MBOAT1: variants seen among roughly 807,000 people sequenced by gnomAD.
MBOAT1 encodes the protein membrane-bound glycerophospholipid O-acyltransferase 1.
Under a neutral mutation model 64.4 loss-of-function variants are expected in MBOAT1, and 67 were observed. The ratio of observed to expected loss-of-function variants is 1.04; its 90% CI spans 0.85 to 1.27. The LOEUF (loss-of-function observed/expected upper bound fraction) is 1.27, where lower values mean the gene tolerates loss of function less well. Ranked by LOEUF, MBOAT1 falls within the 50% of genes most tolerant of loss-of-function variation. The pLI, the probability that MBOAT1 is intolerant of heterozygous loss-of-function variation, is 0.00. For synonymous variants in MBOAT1, 229 were observed against 218.9 expected, an observed-to-expected ratio of 1.05 and a Z score of -0.41; for missense variants, 563 against 604.6, an observed-to-expected ratio of 0.93 and a Z score of 0.72.
intron 4 of MBOAT1, 77 bp downstream of exon 4, chr6:20,144,142 AC>A: frequency 3.4e-6 from 3 of 880,204 alleles, no homozygotes; most frequent in Non-Finnish European, 5.5e-6. Context: ...TCTTTTGTGC[AC>A]CCTTGATGTT....
chr6:20,110,311 C>G (rs1760101270), intron 11 of MBOAT1, among the ~76,000 whole-genome samples: 1 of 151,382 alleles, frequency 6.6e-6, no homozygotes, highest in Non-Finnish European at 1.5e-5. Context: ...CTCCTGGGCT[C>G]AAGTGATCTT....
chr6:20,118,757 A>G (rs1393622301), intron 8 of MBOAT1, among the ~76,000 whole-genome samples: 2 of 152,226 alleles, frequency 1.3e-5, no homozygotes, highest in Non-Finnish European at 2.9e-5. Context: ...ATTCCCTTGC[A>G]TTTAGGGAAC....
At chr6:20,199,954 T>C (rs1763073274) in intron 1 of MBOAT1, among the ~76,000 whole-genome samples, 1 of 149,292 alleles carries the variant, frequency 6.7e-6, no homozygotes, top group Admixed American at 6.7e-5. Context: ...GGCAACAGGG[T>C]AAGACTCTGT....
chr6:20,105,990 A>G (rs890721360), intron 12 of MBOAT1, among the ~76,000 whole-genome samples: 6 of 152,222 alleles, frequency 3.9e-5, no homozygotes, highest in African/African-American at 1.4e-4. Context: ...ATCTGAAGCC[A>G]CTCTAGACTG....
intron 4 of MBOAT1, among the ~76,000 whole-genome samples, chr6:20,133,770 G>A (rs1760901148): frequency 6.6e-6 from 1 of 152,168 alleles, no homozygotes; most frequent in South Asian, 2.1e-4. Context: ...TGTATTCCAT[G>A]ATTCGGTGGC....
At chr6:20,168,502 A>G (rs1000949463) in intron 1 of MBOAT1, among the ~76,000 whole-genome samples, 5 of 92,838 alleles carry the variant, frequency 5.4e-5, no homozygotes, top group African/African-American at 2.2e-4. Context: ...AGAGAGAGAG[A>G]GAGAGGAGAG....
intron 1 of MBOAT1, among the ~76,000 whole-genome samples, chr6:20,171,382 TAAAA>T (rs34821586): frequency 8.8e-6 from 1 of 113,314 alleles, no homozygotes; most frequent in African/African-American, 3.4e-5. Context: ...ACAAAAAACT[TAAAA>T]AAAAAAAAAA....
rs56762952 is a variant in MBOAT1, at chr6:20,131,489, C to T, written c.420-290G>A. ...TGTGAAGAAAGCCATGTTTGCTTCT[C>T]CTTCCGCCATGATTGTAAGTTTCCT... On this transcript the variant is annotated intron_variant, in intron 4 of 12. Coordinates refer to ENST00000324607, the MANE Select transcript of MBOAT1 (RefSeq NM_001080480.3). 5.2e-3 allele frequency among the ~76,000 whole-genome samples: 788 copies of T among 152,298 alleles called. 7 individuals are homozygous for T. Among genetic ancestry groups the T allele is most frequent in the African/African-American group, 0.018 (754 of 41,578 alleles).
At position 20,109,684 on chromosome 6, in the gene MBOAT1, G is replaced by A. The variant is rs910973667; in HGVS notation, c.1275C>T (p.Gly425=). The change falls in exon 12 of 13, where the codon GGC becomes GGT. Residue 425 remains glycine (G), a synonymous_variant. Coordinates refer to ENST00000324607, the MANE Select transcript of MBOAT1 (RefSeq NM_001080480.3). ...SRALKAVYDA[G]TWAVTQLAVS... ...CAGCCAGCTGAGTGACGGCCCAGGT[G>A]CCTGCATCATACACAGCCTTGAGAG... The A allele has an allele frequency of 6.2e-7, 1 of 1,614,152 alleles. No homozygotes were observed. Among genetic ancestry groups the A allele is most frequent in the South Asian group, 1.1e-5 (1 of 91,078 alleles).
rs10527757 is a variant in MBOAT1 at position 20,208,445 on chromosome 6, C to CAAA, written c.99+3688_99+3690dup. Among the ~76,000 whole-genome samples the CAAA allele has an allele frequency of 6.1e-4, 46 of 74,846 alleles. 5 individuals are homozygous for CAAA. Among genetic ancestry groups the CAAA allele is most frequent in the African/African-American group, 3.3e-4 (8 of 24,006 alleles). 49.1% of individuals were successfully genotyped at this position (74,846 alleles called of 152,430 possible). A position where few individuals can be genotyped will look rare whatever the true frequency, so the allele number is the denominator to read the frequency against. On this transcript the variant is annotated intron_variant, in intron 1 of 12. Coordinates refer to ENST00000324607, the MANE Select transcript of MBOAT1 (RefSeq NM_001080480.3). ...TGGGTGACAGAGCTAGACTCTGTCTCAAAAAAAAAAAGAAACTTTGTAGTC... is the reference window on the plus strand; with the variant it reads ...TGGGTGACAGAGCTAGACTCTGTCTCAAAAAAAAAAAAAAGAAACTTTGTAGTC...
intron 1 of MBOAT1, among the ~76,000 whole-genome samples, chr6:20,187,484 G>C (rs1762686234): frequency 6.6e-6 from 1 of 152,260 alleles, no homozygotes; most frequent in Admixed American, 6.5e-5. Context: ...TGTGGTTTCA[G>C]AGAGTTCACC....
chr6:20,173,822 G>A (rs1024023174), intron 1 of MBOAT1, among the ~76,000 whole-genome samples: 2 of 152,254 alleles, frequency 1.3e-5, no homozygotes, highest in Middle Eastern at 3.4e-3. Flanking sequence ...ATGGTGGCAG[G>A]TGCCTGCAAT....
At chr6:20,137,013 C>T (rs1471740724) in intron 4 of MBOAT1, among the ~76,000 whole-genome samples, 1 of 152,106 alleles carries the variant, frequency 6.6e-6, no homozygotes, top group Admixed American at 6.6e-5. Flanking sequence ...CTCTTTTAGA[C>T]CATTTAGGAT....
At chr6:20,186,192 G>A (rs1489843689) in intron 1 of MBOAT1, among the ~76,000 whole-genome samples, 4 of 152,154 alleles carry the variant, frequency 2.6e-5, no homozygotes, top group Non-Finnish European at 2.9e-5. Flanking sequence ...CAATCAATCA[G>A]TCAGTCAATG....
At chr6:20,201,583 AT>A (rs56306528) in intron 1 of MBOAT1, among the ~76,000 whole-genome samples, 1,474 of 142,992 alleles carry the variant, frequency 0.01, 22 homozygotes, top group African/African-American at 0.03. Context: ...CAGATAAGTG[AT>A]TTTTTTTTTT....
At chr6:20,189,385 ACTTT>A (rs1382784517) in intron 1 of MBOAT1, among the ~76,000 whole-genome samples, 1 of 152,156 alleles carries the variant, frequency 6.6e-6, no homozygotes, top group Non-Finnish European at 1.5e-5. Context: ...CTTAAAATCT[ACTTT>A]CTAAGTAATT....
chr6:20,152,890 TG>T (rs1761565933), intron 1 of MBOAT1, 121 bp from the exon 2 acceptor site: 16 of 1,079,896 alleles, frequency 1.5e-5, no homozygotes, highest in Non-Finnish European at 1.9e-5. Context: ...TGGAGTGCAG[TG>T]GCGCAAACTC....
At chr6:20,158,451 G>C (rs1321552148) in intron 1 of MBOAT1, among the ~76,000 whole-genome samples, 1 of 152,174 alleles carries the variant, frequency 6.6e-6, no homozygotes, top group Non-Finnish European at 1.5e-5. Flanking sequence ...TGAAATGTAA[G>C]ACCTGAAACT....
rs900030021 is a variant in MBOAT1, at chr6:20,164,162, T to C, written c.100-11393A>G. ...ACAAATATATGTATTTAATATAGAATGTATGTGCATGTACACACACACACA... is the reference window on the plus strand; with the variant it reads ...ACAAATATATGTATTTAATATAGAACGTATGTGCATGTACACACACACACA... On this transcript the variant is annotated intron_variant, in intron 1 of 12. Coordinates refer to ENST00000324607, the MANE Select transcript of MBOAT1 (RefSeq NM_001080480.3). 2.8e-4 allele frequency among the ~76,000 whole-genome samples: 37 copies of C among 134,372 alleles called. 1 individual carries two copies. The highest frequency in any genetic ancestry group is 1.0e-3 in the African/African-American group (37 of 36,058). The allele number at this position is 134,372 out of a possible 152,430, so 88.2% of individuals were successfully genotyped here.
Sources: allele counts gnomAD v4.1 joint callset (sites outside exome capture counted in the v4.1 genomes callset), GRCh38; gene constraint gnomAD v4.1.1; transcripts MANE v1.5; gene names NCBI Gene and HGNC (gene_info 2026-07-23, HGNC 2026-07-21).